Variants in SLC16A10 observed in about 807,000 individuals in gnomAD.
The protein encoded by SLC16A10 is solute carrier family 16 member 10, also known as monocarboxylate transporter 10.
A neutral mutation model predicts 40.0 loss-of-function variants in SLC16A10; 27 were observed. That is an observed-to-expected ratio of 0.67 (90% CI 0.50 to 0.93). The LOEUF (loss-of-function observed/expected upper bound fraction) is 0.93. SLC16A10 is among the 40% of genes least tolerant of loss of function. SLC16A10 has a pLI of 0.00. For missense variants in SLC16A10, 529 were observed against 658.2 expected, an observed-to-expected ratio of 0.80 and a Z score of 2.15; for synonymous variants, 213 against 249.8, an observed-to-expected ratio of 0.85 and a Z score of 1.39.
At chr6:111,202,108 A>AG (rs1394815240) in intron 3 of SLC16A10, among the ~76,000 whole-genome samples, 7 of 152,232 alleles carry the variant, frequency 4.6e-5, no homozygotes, top group Admixed American at 4.6e-4. Context: ...CTACTGCCTG[A>AG]GACCTCTCAA....
chr6:111,121,455 G>A (rs1332831905), intron 1 of SLC16A10, among the ~76,000 whole-genome samples: 1 of 152,158 alleles, frequency 6.6e-6, no homozygotes, highest in Non-Finnish European at 1.5e-5. Flanking sequence ...CAGCTACTTC[G>A]GAGGCTGAGG....
intron 3 of SLC16A10, among the ~76,000 whole-genome samples, chr6:111,185,379 T>TA (rs1772877214): frequency 6.6e-6 from 1 of 152,246 alleles, no homozygotes; most frequent in South Asian, 2.1e-4. Context: ...GTTTCCCTTC[T>TA]GTTCTCTCAG....
chr6:111,137,457 C>T (rs550375054), intron 1 of SLC16A10, among the ~76,000 whole-genome samples: 16 of 152,138 alleles, frequency 1.1e-4, no homozygotes, highest in Non-Finnish European at 2.4e-4. Flanking sequence ...CATTTCAATC[C>T]CTGAATCTTT....
At chr6:111,189,229 A>G (rs1267270400) in intron 3 of SLC16A10, among the ~76,000 whole-genome samples, 1 of 152,192 alleles carries the variant, frequency 6.6e-6, no homozygotes, top group Non-Finnish European at 1.5e-5. Flanking sequence ...ATGGTAAGAG[A>G]TGGTAAGAGA....
intron 1 of SLC16A10, among the ~76,000 whole-genome samples, chr6:111,113,311 G>A (rs1358429949): frequency 1.3e-5 from 2 of 152,136 alleles, no homozygotes; most frequent in Non-Finnish European, 2.9e-5. Flanking sequence ...CCCTGTAAGA[G>A]TTATCACAGT....
intron 1 of SLC16A10, among the ~76,000 whole-genome samples, chr6:111,098,161 C>T (rs1164847974): frequency 6.6e-6 from 1 of 152,086 alleles, no homozygotes; most frequent in African/African-American, 2.4e-5. Flanking sequence ...ACTAAATTAG[C>T]CGGGCATGGT....
At chr6:111,170,581 C>G (rs1031406325) in intron 1 of SLC16A10, among the ~76,000 whole-genome samples, 1 of 152,116 alleles carries the variant, frequency 6.6e-6, no homozygotes, top group East Asian at 1.9e-4. Context: ...TCCTGAGTAG[C>G]TGGGATTACA....
At chr6:111,180,613 C>T (rs1323212145) in intron 3 of SLC16A10, among the ~76,000 whole-genome samples, 5 of 151,880 alleles carry the variant, frequency 3.3e-5, no homozygotes, top group African/African-American at 1.2e-4. Context: ...TATTTGTCTC[C>T]TCCTCCTAGT....
At chr6:111,125,502 A>G (rs1771659669) in intron 1 of SLC16A10, among the ~76,000 whole-genome samples, 1 of 152,150 alleles carries the variant, frequency 6.6e-6, no homozygotes, top group Non-Finnish European at 1.5e-5. Flanking sequence ...TGAGTTTACC[A>G]AAAAACTGTT....
chr6:111,146,609 C>T (rs891095112), intron 1 of SLC16A10, among the ~76,000 whole-genome samples: 4 of 149,576 alleles, frequency 2.7e-5, no homozygotes, highest in Admixed American at 2.0e-4. Context: ...GGTGGGGGGG[C>T]GCCTGTAGTC....
At chr6:111,169,750 A>T (rs1303875604) in intron 1 of SLC16A10, among the ~76,000 whole-genome samples, 2 of 152,152 alleles carry the variant, frequency 1.3e-5, no homozygotes, top group African/African-American at 4.8e-5. Flanking sequence ...CACTGAATAA[A>T]TTTTAAGAAG....
At chr6:111,200,405 T>G (rs999547695) in intron 3 of SLC16A10, among the ~76,000 whole-genome samples, 2 of 152,198 alleles carry the variant, frequency 1.3e-5, no homozygotes, top group Non-Finnish European at 2.9e-5. Flanking sequence ...TGTTTTCTGG[T>G]GTAAAGGGAT....
intron 4 of SLC16A10, among the ~76,000 whole-genome samples, 161 bp from the exon 5 acceptor site, chr6:111,218,653 T>C (rs1344051424): frequency 6.6e-6 from 1 of 151,966 alleles, no homozygotes; most frequent in African/African-American, 2.4e-5. Context: ...TCGAAGGAGA[T>C]GATTATAGGA....
intron 3 of SLC16A10, among the ~76,000 whole-genome samples, chr6:111,202,826 G>T (rs1323690356): frequency 7.0e-6 from 1 of 142,888 alleles, no homozygotes; most frequent in African/African-American, 2.6e-5. Flanking sequence ...GGCGGAGGTT[G>T]CAGTGAGCTG....
At chr6:111,203,839 A>G (rs1293584616) in intron 3 of SLC16A10, among the ~76,000 whole-genome samples, 1 of 152,154 alleles carries the variant, frequency 6.6e-6, no homozygotes, top group Non-Finnish European at 1.5e-5. Flanking sequence ...AAAATACCTC[A>G]AACATTTCAC....
intron 1 of SLC16A10, among the ~76,000 whole-genome samples, chr6:111,107,303 T>G (rs1320856682): frequency 2.0e-5 from 3 of 152,292 alleles, no homozygotes; most frequent in African/African-American, 7.2e-5. Flanking sequence ...ATCGCACCAG[T>G]TTTTAAAAAG....
chr6:111,172,152 T>A (rs1382529375), intron 1 of SLC16A10, among the ~76,000 whole-genome samples: 1 of 152,192 alleles, frequency 6.6e-6, no homozygotes, highest in Non-Finnish European at 1.5e-5. Flanking sequence ...AGAAAACTCA[T>A]TCAGAGGGGA....
intron 1 of SLC16A10, among the ~76,000 whole-genome samples, chr6:111,118,465 A>T (rs1771527372): frequency 6.6e-6 from 1 of 152,072 alleles, no homozygotes; most frequent in Non-Finnish European, 1.5e-5. Flanking sequence ...GCGGATCACG[A>T]GGTGAAGAGA....
intron 1 of SLC16A10, among the ~76,000 whole-genome samples, chr6:111,154,250 C>T (rs1034651405): frequency 2.6e-5 from 4 of 152,150 alleles, no homozygotes; most frequent in Non-Finnish European, 2.9e-5. Flanking sequence ...ATTATATGTG[C>T]ATTAATTTAT....
Sources: allele counts gnomAD v4.1 joint callset (sites outside exome capture counted in the v4.1 genomes callset), GRCh38; gene constraint gnomAD v4.1.1; transcripts MANE v1.5; gene names NCBI Gene and HGNC (gene_info 2026-07-23, HGNC 2026-07-21).